PDE1A: variants seen among roughly 807,000 people sequenced by gnomAD.
PDE1A encodes phosphodiesterase 1A.
PDE1A carries 35 observed loss-of-function variants against 61.7 expected under a neutral mutation model. That is an observed-to-expected ratio of 0.57 (90% confidence interval 0.43 to 0.75). PDE1A has a LOEUF of 0.75. PDE1A is among the 30% of genes least tolerant of loss of function. The probability of loss-of-function intolerance (pLI) is 0.00; values close to 1 mark genes in which losing one functional copy is unlikely to be tolerated. For missense variants in PDE1A, 597 were observed against 630.6 expected, an observed-to-expected ratio of 0.95 and a Z score of 0.57; for synonymous variants, 232 against 213.2, an observed-to-expected ratio of 1.09 and a Z score of -0.77.
chr2:182,496,239 G>A (rs1352630432), intron 2 of PDE1A, among the ~76,000 whole-genome samples: 5 of 151,990 alleles, frequency 3.3e-5, no homozygotes, highest in Non-Finnish European at 1.5e-5. Flanking sequence ...TATTGTACTA[G>A]GCTACAAAAT....
chr2:182,642,689 T>A, the PDE1A span, among the ~76,000 whole-genome samples: 2 of 152,226 alleles, frequency 1.3e-5, no homozygotes, highest in African/African-American at 4.8e-5. Context: ...CTATACATTT[T>A]CTTTTTCACT....
At chr2:182,479,256 T>G (rs1687558888) in intron 2 of PDE1A, among the ~76,000 whole-genome samples, 1 of 151,900 alleles carries the variant, frequency 6.6e-6, no homozygotes, top group Non-Finnish European at 1.5e-5. Context: ...ATTGTAGGCA[T>G]CTTAAGGATG....
intron 1 of PDE1A, among the ~76,000 whole-genome samples, chr2:182,326,321 C>T (rs976406345): frequency 6.6e-6 from 1 of 152,104 alleles, no homozygotes; most frequent in Non-Finnish European, 1.5e-5. Context: ...ATTCAAATGT[C>T]CATTGATGAA....
At chr2:182,456,001 T>C (rs1574703050) in intron 2 of PDE1A, among the ~76,000 whole-genome samples, 3 of 152,044 alleles carry the variant, frequency 2.0e-5, no homozygotes, top group African/African-American at 7.2e-5. Context: ...TTAGATTATT[T>C]TCAACACATT....
chr2:182,143,155 T>C (rs549519831), downstream of PDE1A: 10 of 152,264 alleles, frequency 6.6e-5, no homozygotes, highest in African/African-American at 2.4e-4. Context: ...AGTTCAAGGG[T>C]CTACTGTAAA....
rs186733753 is a variant in PDE1A, at chr2:182,468,207, T to G, written c.101+54069A>C. Among the ~76,000 whole-genome samples, 483 of 152,130 alleles carry G rather than the reference T, an allele frequency of 3.2e-3. 8 individuals carry two copies. Among genetic ancestry groups the G allele is most frequent in the African/African-American group, 0.011 (465 of 41,556 alleles). Reference sequence around the variant, plus strand: ...TTTCACAAAAGGTATCTCCGTAGCATGTGATGCTGTTTGATAGCATTTGAC... The same window carrying G: ...TTTCACAAAAGGTATCTCCGTAGCAGGTGATGCTGTTTGATAGCATTTGAC... On this transcript the variant is annotated intron_variant, in intron 2 of 14. Coordinates refer to the PDE1A transcript ENST00000410103.
intron 8 of PDE1A, among the ~76,000 whole-genome samples, chr2:182,202,046 C>G (rs1686703600): frequency 6.6e-6 from 1 of 152,206 alleles, no homozygotes; most frequent in Non-Finnish European, 1.5e-5. Flanking sequence ...GCTTTCCCTT[C>G]TCACTCCCAC....
the PDE1A span, among the ~76,000 whole-genome samples, chr2:182,604,830 CTCTT>C: frequency 6.6e-6 from 1 of 152,072 alleles, no homozygotes; most frequent in Non-Finnish European, 1.5e-5. Context: ...ATGATTGTTA[CTCTT>C]TTTTTAACTC....
chr2:182,230,753 G>A (rs1165648819), intron 5 of PDE1A, among the ~76,000 whole-genome samples: 1 of 152,128 alleles, frequency 6.6e-6, no homozygotes, highest in Non-Finnish European at 1.5e-5. Flanking sequence ...CTATGTGAGT[G>A]TTTTGTGAAT....
chr2:182,359,524 C>T (rs1006420582), intron 1 of PDE1A, among the ~76,000 whole-genome samples: 20 of 152,088 alleles, frequency 1.3e-4, no homozygotes, highest in African/African-American at 4.3e-4. Flanking sequence ...AATTTGGATG[C>T]CTAAGTATAC....
At chr2:182,609,333 A>G in the PDE1A span, among the ~76,000 whole-genome samples, 1 of 152,246 alleles carries the variant, frequency 6.6e-6, no homozygotes, top group Non-Finnish European at 1.5e-5. Flanking sequence ...GCGTGGCACC[A>G]GATAAGAGAA....
chr2:182,150,271 G>C (rs1229845305), intron 13 of PDE1A, among the ~76,000 whole-genome samples: 1 of 152,076 alleles, frequency 6.6e-6, no homozygotes, highest in East Asian at 1.9e-4. Flanking sequence ...TATAACTCTG[G>C]ATTAAAACTT....
the PDE1A span, among the ~76,000 whole-genome samples, chr2:182,640,969 G>A: frequency 4.1e-5 from 5 of 121,690 alleles, no homozygotes; most frequent in Admixed American, 3.3e-4. Context: ...GCAGTGAGCC[G>A]AGATCACACT....
At chr2:182,170,837 A>C (rs1692143383) in intron 13 of PDE1A, among the ~76,000 whole-genome samples, 1 of 151,996 alleles carries the variant, frequency 6.6e-6, no homozygotes, top group African/African-American at 2.4e-5. Flanking sequence ...TACAAAGATT[A>C]TTTACCATAC....
rs191199023 is a variant in PDE1A at position 182,172,999 on chromosome 2, C to A, written c.1517-4709G>T. 2.6e-4 allele frequency among the ~76,000 whole-genome samples: 40 copies of A among 152,068 alleles called. 1 individual carries two copies. The highest frequency in any genetic ancestry group is 8.2e-4 in the African/African-American group (34 of 41,514). ...AGATCTAGATATCATGTGGGATAGA[C>A]ACAATGGAACTATCCCATCCCTAGG... On this transcript the variant is annotated intron_variant, in intron 13 of 13. Transcript: ENST00000351439.
At chr2:182,424,079 G>A (rs1703454868) in intron 1 of PDE1A, among the ~76,000 whole-genome samples, 1 of 151,560 alleles carries the variant, frequency 6.6e-6, no homozygotes, top group South Asian at 2.1e-4. Context: ...CAAGTAGCTG[G>A]GACTACAGGT....
chr2:182,157,702 C>T (rs1172742768), intron 13 of PDE1A, among the ~76,000 whole-genome samples: 35 of 152,148 alleles, frequency 2.3e-4, no homozygotes, highest in Admixed American at 2.3e-3. Context: ...AACAAGTCAT[C>T]AAATGCTGGT....
At chr2:182,358,279 C>T (rs559197356) in intron 1 of PDE1A, among the ~76,000 whole-genome samples, 6 of 152,246 alleles carry the variant, frequency 3.9e-5, no homozygotes, top group African/African-American at 1.4e-4. Flanking sequence ...GCCACTCTCC[C>T]TCAAGGTTCA....
At chr2:182,416,986 C>T (rs1246660305) in intron 1 of PDE1A, among the ~76,000 whole-genome samples, 1 of 152,122 alleles carries the variant, frequency 6.6e-6, no homozygotes, top group Non-Finnish European at 1.5e-5. Context: ...AGATTCAGTT[C>T]ATTGGATTTG....
Sources: allele counts gnomAD v4.1 joint callset (sites outside exome capture counted in the v4.1 genomes callset), GRCh38; gene constraint gnomAD v4.1.1; transcripts MANE v1.5; gene names NCBI Gene and HGNC (gene_info 2026-07-23, HGNC 2026-07-21).